The following PIEZO2 variants were observed in gnomAD, a reference collection of about 807,000 sequenced individuals.
The protein encoded by PIEZO2 is piezo type mechanosensitive ion channel component 2, also known as piezo-type mechanosensitive ion channel component 2.
In PIEZO2, 172 loss-of-function variants were observed where a neutral mutation model predicts 337.3. That is an observed-to-expected ratio of 0.51 (90% CI 0.45 to 0.58). The LOEUF (loss-of-function observed/expected upper bound fraction) is 0.58, where lower values mean the gene tolerates loss of function less well. PIEZO2 is among the 20% of genes least tolerant of loss of function. The probability of loss-of-function intolerance (pLI) is 0.00; values close to 1 mark genes in which losing one functional copy is unlikely to be tolerated. For missense variants in PIEZO2, 3,028 were observed against 3,391.3 expected (o/e 0.89, Z 2.66); for synonymous variants, 1,251 against 1,228.5 (o/e 1.02, Z -0.38).
chr18:10,758,498 T>G (rs1291872166), intron 26 of PIEZO2, among the ~76,000 whole-genome samples: 1 of 151,902 alleles, frequency 6.6e-6, no homozygotes, highest in Non-Finnish European at 1.5e-5. Context: ...CAGGCTGGAG[T>G]GCAGTGGTGC....
chr18:10,692,169 ATAG>A (rs550386897), intron 47 of PIEZO2, among the ~76,000 whole-genome samples: 162 of 152,314 alleles, frequency 1.1e-3, no homozygotes, highest in African/African-American at 3.8e-3. Context: ...TTGAAAAAAA[ATAG>A]TAGAATTAAA....
Position 10,740,175 on chromosome 18 carries a change from G to A in PIEZO2, c.4708+856C>T, listed in dbSNP as rs1010332282. On this transcript the variant is annotated intron_variant, in intron 33 of 55. Coordinates refer to ENST00000674853, the MANE Select transcript of PIEZO2 (RefSeq NM_001378183.1). Reference sequence around the variant, plus strand: ...ATTTAAAGAGGACTGGATTGGAATGGGGCATTCCACTATAATCCCATCGAC... The same window carrying A: ...ATTTAAAGAGGACTGGATTGGAATGAGGCATTCCACTATAATCCCATCGAC... 1.1e-4 allele frequency: 17 copies of A among 152,200 alleles called. No individual in the cohort carries two copies. In the East Asian group the frequency reaches 3.3e-3, roughly 29 times the overall value. 9.4% of individuals were successfully genotyped at this position (152,200 alleles called of 1,614,324 possible).
chr18:10,851,272 T>C (rs1278258393), intron 7 of PIEZO2, among the ~76,000 whole-genome samples: 1 of 152,038 alleles, frequency 6.6e-6, no homozygotes, highest in Non-Finnish European at 1.5e-5. Flanking sequence ...AATATGCTAA[T>C]TTCCATGTTT....
intron 2 of PIEZO2, among the ~76,000 whole-genome samples, chr18:11,024,471 G>A (rs1187699383): frequency 3.3e-5 from 5 of 150,162 alleles, no homozygotes; most frequent in Non-Finnish European, 5.9e-5. Flanking sequence ...GTGTGAACCC[G>A]GGAGGCGGAG....
intron 7 of PIEZO2, among the ~76,000 whole-genome samples, chr18:10,826,510 G>A (rs998804572): frequency 2.6e-5 from 4 of 151,980 alleles, no homozygotes; most frequent in African/African-American, 9.7e-5. Context: ...TACTTCTATT[G>A]GAAACTAATC....
At chr18:10,736,198 C>T (rs1353802898) in intron 34 of PIEZO2, among the ~76,000 whole-genome samples, 1 of 152,216 alleles carries the variant, frequency 6.6e-6, no homozygotes, top group African/African-American at 2.4e-5. Flanking sequence ...ATCATTTGCT[C>T]CACAACAAAG....
rs1418137646 is a variant in PIEZO2, at chr18:10,870,096, G to A, written c.492+1157C>T. On this transcript the variant is annotated intron_variant, in intron 5 of 55. Transcript: ENST00000674853. This position sits in a 1 kb window ranked among gnomAD's most constrained non-coding sequence, Gnocchi z 5.3. ...TCACCATGTTGGCCAGGCTGGTCTC[G>A]AACTCATGACCTCAGGTGATCTGCC... is the stretch of plus-strand genomic sequence containing the variant. Among the ~76,000 whole-genome samples, 2 of 152,244 alleles carry A rather than the reference G, an allele frequency of 1.3e-5. No homozygotes were observed. The highest frequency in any genetic ancestry group is 2.4e-5 in the African/African-American group (1 of 41,552).
In PIEZO2 at chr18:10,770,324, T is replaced by C; in HGVS notation, c.2786-16A>G. 1 of 1,530,584 alleles carries C rather than the reference T, an allele frequency of 6.5e-7. No homozygotes were observed. Among genetic ancestry groups the C allele is most frequent in the Admixed American group, 2.0e-5 (1 of 49,880 alleles). The allele number at this position is 1,530,584 out of a possible 1,614,324, so 94.8% of individuals were successfully genotyped here. A position where few individuals can be genotyped will look rare whatever the true frequency, so the allele number is the denominator to read the frequency against. Reference sequence around the variant, plus strand: ...TTCCTTAAGTCTGCAAAATAGGAAGTACAGACAAGAGCATAACATTTTTAA... The same window carrying C: ...TTCCTTAAGTCTGCAAAATAGGAAGCACAGACAAGAGCATAACATTTTTAA... On this transcript the variant is annotated splice_polypyrimidine_tract_variant and intron_variant, in intron 20 of 55. Transcript: ENST00000674853.
rs1028424994 is a variant in PIEZO2 at position 11,116,583 on chromosome 18, CGGG to C, written c.64+31939_64+31941del. ...TTAAAAAATTAGCCGGGCGTGGTGGCGGGGGGCCTGTAGTCCCAGCTACTCGGG... is the reference window on the plus strand; with the variant it reads ...TTAAAAAATTAGCCGGGCGTGGTGGCGGGCCTGTAGTCCCAGCTACTCGGG... On this transcript the variant is annotated intron_variant, in intron 1 of 55. Coordinates refer to ENST00000674853, the MANE Select transcript of PIEZO2 (RefSeq NM_001378183.1). The surrounding 1 kb of genome is among the most constrained non-coding windows in gnomAD (Gnocchi z 5.0). Among the ~76,000 whole-genome samples the C allele has an allele frequency of 6.6e-6, 1 of 151,768 alleles. No individual in the cohort carries two copies. The highest frequency in any genetic ancestry group is 1.5e-5 in the Non-Finnish European group (1 of 67,934).
Position 10,752,708 on chromosome 18 carries a change from C to G in PIEZO2, c.4095G>C (p.Lys1365Asn), listed in dbSNP as rs1196872626. The change falls in exon 28 of 56, where the codon AAG (lysine) becomes AAC (asparagine). Residue 1365 changes from lysine to asparagine, a missense_variant. Around this residue, in one of 5 missense-constraint regions of PIEZO2, gnomAD observed 1,925 missense variants for 2,051.9 expected, o/e 0.94. Coordinates refer to ENST00000674853, the MANE Select transcript of PIEZO2 (RefSeq NM_001378183.1). Reference sequence around the variant, plus strand: ...GCCAGTCCCAGTAGCGCAGGATGCTCTTGATGGGTTTCAACAGCAAATCGC... The same window carrying G: ...GCCAGTCCCAGTAGCGCAGGATGCTGTTGATGGGTTTCAACAGCAAATCGC... ...FGGDLLLKPIKSILRYWDWLI... is the reference protein window; with the variant it reads ...FGGDLLLKPINSILRYWDWLI... 2.0e-6 allele frequency: 3 copies of G among 1,537,238 alleles called. No individual in the cohort carries two copies.
At position 10,872,906 on chromosome 18, in the gene PIEZO2, T is replaced by C. The variant is rs1176701070; in HGVS notation, c.330-1491A>G. Among the ~76,000 whole-genome samples the C allele has an allele frequency of 6.6e-6, 1 of 152,186 alleles. No homozygotes were observed. Among genetic ancestry groups the C allele is most frequent in the Non-Finnish European group, 1.5e-5 (1 of 68,036 alleles). ...GAGTCTGTACCAGCATTAAAACTTC[T>C]GGGGAAGATAAGATGATCCATGGAA... On this transcript the variant is annotated intron_variant, in intron 4 of 55. Coordinates refer to ENST00000674853, the MANE Select transcript of PIEZO2 (RefSeq NM_001378183.1). This position sits in a 1 kb window ranked among gnomAD's most constrained non-coding sequence, Gnocchi z 4.3.
chr18:10,825,901 C>A (rs1239018811), intron 7 of PIEZO2, among the ~76,000 whole-genome samples: 2 of 152,196 alleles, frequency 1.3e-5, no homozygotes, highest in African/African-American at 4.8e-5. Context: ...GCACAGCCCA[C>A]ACTCAATGGG....
At position 10,895,792 on chromosome 18, in the gene PIEZO2, C is replaced by G. The variant is rs1217611063; in HGVS notation, c.329+15394G>C. Among the ~76,000 whole-genome samples the G allele has an allele frequency of 6.6e-6, 1 of 152,154 alleles. No homozygotes were observed. Among genetic ancestry groups the G allele is most frequent in the Non-Finnish European group, 1.5e-5 (1 of 68,016 alleles). ...AAACTCAGAGCCAGGCACGGGCAGG[C>G]TCACGCCTGTAATCCCAGCACTTTG... On this transcript the variant is annotated intron_variant, in intron 4 of 55. Coordinates refer to ENST00000674853, the MANE Select transcript of PIEZO2 (RefSeq NM_001378183.1). The surrounding 1 kb of genome is among the most constrained non-coding windows in gnomAD (Gnocchi z 4.8).
In PIEZO2 at chr18:11,078,467, T is replaced by G. The variant is rs1484641699; in HGVS notation, c.65-12245A>C. On this transcript the variant is annotated intron_variant, in intron 1 of 55. Coordinates refer to ENST00000674853, the MANE Select transcript of PIEZO2 (RefSeq NM_001378183.1). The surrounding 1 kb of genome is among the most constrained non-coding windows in gnomAD (Gnocchi z 5.3). ...CCCAACATTACATCTTAACAACTAATACAGCCGTAAATTGATTAAAATTAC... is the reference window on the plus strand; with the variant it reads ...CCCAACATTACATCTTAACAACTAAGACAGCCGTAAATTGATTAAAATTAC... 6.6e-6 allele frequency among the ~76,000 whole-genome samples: 1 copy of G among 152,218 alleles called. No homozygotes were observed. The highest frequency in any genetic ancestry group is 1.5e-5 in the Non-Finnish European group (1 of 68,038).
At chr18:10,839,582 G>A (rs1164492234) in intron 7 of PIEZO2, among the ~76,000 whole-genome samples, 1 of 152,202 alleles carries the variant, frequency 6.6e-6, no homozygotes, top group Non-Finnish European at 1.5e-5. Flanking sequence ...CTGGTGGAGG[G>A]AGGAGATGAT....
intron 17 of PIEZO2, among the ~76,000 whole-genome samples, chr18:10,782,329 ATATATAAATAAT>A (rs2039031671): frequency 2.2e-5 from 2 of 88,990 alleles, no homozygotes; most frequent in Non-Finnish European, 3.9e-5. Flanking sequence ...TATTATAATT[ATATATAAATAAT>A]TATAATATAT....
At chr18:11,061,024 C>T (rs989714211) in intron 2 of PIEZO2, among the ~76,000 whole-genome samples, 1 of 152,128 alleles carries the variant, frequency 6.6e-6, no homozygotes, top group Non-Finnish European at 1.5e-5. Context: ...ACTAGCAAAC[C>T]GAATCCAGCA....
At chr18:10,697,532 A>G (rs1173187133) in intron 45 of PIEZO2, among the ~76,000 whole-genome samples, 1 of 152,266 alleles carries the variant, frequency 6.6e-6, no homozygotes, top group Non-Finnish European at 1.5e-5. Context: ...AAATAGAAAA[A>G]GCATGTGCAT....
intron 7 of PIEZO2, among the ~76,000 whole-genome samples, chr18:10,835,612 C>T (rs1298958770): frequency 5.3e-5 from 8 of 151,686 alleles, no homozygotes; most frequent in South Asian, 2.1e-4. Flanking sequence ...GGCGCGATCT[C>T]GGTTCACTGC....
Sources: gnomAD v4.1 joint callset for allele counts (sites outside exome capture counted in the v4.1 genomes callset) on GRCh38, gnomAD v4.1.1 for gene constraint, gnomAD v4.1.1 regional missense constraint, Gnocchi (gnomAD v3.1) non-coding constraint, MANE v1.5 for transcripts, NCBI Gene and HGNC (gene_info 2026-07-23, HGNC 2026-07-21) for gene names.